ATG2B: variants seen among roughly 807,000 people sequenced by gnomAD.
The protein encoded by ATG2B is autophagy related 2B.
Under a neutral mutation model 241.3 loss-of-function variants are expected in ATG2B, and 121 were observed. That is an observed-to-expected ratio of 0.50 (90% CI 0.43 to 0.58). ATG2B has a LOEUF of 0.58. Ranked by LOEUF, ATG2B falls within the 20% of genes least tolerant of loss-of-function variation. ATG2B has a pLI of 0.00. For synonymous variants in ATG2B, 858 were observed against 876.6 expected (o/e 0.98, Z 0.37); for missense variants, 2,306 against 2,491.6 (o/e 0.93, Z 1.59).
chr14:96,280,708 T>A lies in ATG2B; in HGVS notation c.*5047A>T, dbSNP rs1410944264. 1.3e-5 allele frequency: 2 copies of A among 151,978 alleles called. No homozygotes were observed. Among genetic ancestry groups the A allele is most frequent in the Admixed American group, 6.6e-5 (1 of 15,242 alleles). The allele number at this position is 151,978 out of a possible 1,614,324, so 9.4% of individuals were successfully genotyped here. A position where few individuals can be genotyped will look rare whatever the true frequency, so the allele number is the denominator to read the frequency against. The stretch of plus-strand genomic sequence containing the variant: ...TTAACCTGGCCAACACGGTGAAACC[T>A]CGTCTCTACTAAAAAAACAAAAAAT... On this transcript the variant is annotated 3_prime_UTR_variant, in exon 42 of 42. Coordinates refer to ENST00000359933, the MANE Select transcript of ATG2B (RefSeq NM_018036.7).
intron 41 of ATG2B, among the ~76,000 whole-genome samples, chr14:96,288,807 G>GAAA (rs71103509): frequency 1.2e-4 from 15 of 126,010 alleles, no homozygotes; most frequent in Non-Finnish European, 9.9e-5. Flanking sequence ...ACAACACCCA[G>GAAA]AAAAAAAAAA....
intron 41 of ATG2B, among the ~76,000 whole-genome samples, chr14:96,287,298 TAATAAGTA>T (rs1472855715): frequency 1.1e-5 from 1 of 91,514 alleles, no homozygotes; most frequent in Non-Finnish European, 2.4e-5. Context: ...CTCAAAGAAA[TAATAAGTA>T]CTACTTTAAA....
chr14:96,327,157 G>C lies in ATG2B; in HGVS notation c.2163+1190C>G, dbSNP rs373109391. Among the ~76,000 whole-genome samples, 4 of 152,118 alleles carry C rather than the reference G, an allele frequency of 2.6e-5. No homozygotes were observed. The East Asian group carries it at 7.7e-4, about 29-fold the overall frequency. On this transcript the variant is annotated intron_variant, in intron 14 of 41. Transcript: ENST00000359933. ...GGGCTGAGGTAGAAGGATCGCTTAA[G>C]CCAAGGGGGTCAAGACTGAAGTGAG...
intron 31 of ATG2B, 88 bp from the exon 32 acceptor site, chr14:96,304,691 T>C (rs952797943): frequency 9.4e-7 from 1 of 1,061,970 alleles, no homozygotes; most frequent in Non-Finnish European, 1.4e-6. Flanking sequence ...AATGATAAGA[T>C]GAAAGACAAA....
At chr14:96,340,254 T>C (rs1887998306) in intron 6 of ATG2B, among the ~76,000 whole-genome samples, 1 of 144,776 alleles carries the variant, frequency 6.9e-6, no homozygotes, top group Non-Finnish European at 1.5e-5. Flanking sequence ...TATGGACTCA[T>C]CCTATATATG....
At chr14:96,338,960 G>A (rs758891223) in intron 6 of ATG2B, among the ~76,000 whole-genome samples, 4 of 152,044 alleles carry the variant, frequency 2.6e-5, no homozygotes, top group Non-Finnish European at 5.9e-5. Context: ...CCATCAGAAA[G>A]TGAGCAAGGG....
At chr14:96,302,583 A>C (rs1028106205) in intron 33 of ATG2B, among the ~76,000 whole-genome samples, 3 of 152,178 alleles carry the variant, frequency 2.0e-5, no homozygotes, top group Admixed American at 6.5e-5. Context: ...TGGGGGGAAA[A>C]AAAAAACTGC....
chr14:96,348,264 A>G (rs1484382341), intron 1 of ATG2B, among the ~76,000 whole-genome samples: 4 of 152,230 alleles, frequency 2.6e-5, no homozygotes, highest in Admixed American at 6.5e-5. Flanking sequence ...GTTCTCACTT[A>G]TCTATGGAAG....
chr14:96,307,196 G>A (rs1178170118), intron 29 of ATG2B, among the ~76,000 whole-genome samples: 3 of 152,098 alleles, frequency 2.0e-5, no homozygotes, highest in Non-Finnish European at 2.9e-5. Context: ...TGGATCACCT[G>A]AGGTCAGGAG....
chr14:96,342,863 C>A (rs1350195857), intron 5 of ATG2B, among the ~76,000 whole-genome samples: 1 of 151,972 alleles, frequency 6.6e-6, no homozygotes, highest in African/African-American at 2.4e-5. Flanking sequence ...AGATACTCAA[C>A]TTCTACACCA....
At chr14:96,356,479 T>A (rs1003160909) in intron 1 of ATG2B, among the ~76,000 whole-genome samples, 1 of 152,032 alleles carries the variant, frequency 6.6e-6, no homozygotes. Flanking sequence ...ATATCATAAT[T>A]TTTTTTAACG....
chr14:96,304,424 G>T, intron 32 of ATG2B, 71 bp downstream of exon 32: 1 of 1,140,758 alleles, frequency 8.8e-7, no homozygotes, highest in Non-Finnish European at 1.3e-6. Flanking sequence ...AGACTACGTG[G>T]TGGGGGATAA....
At position 96,363,008 on chromosome 14, in the gene ATG2B, T is replaced by G. The variant is rs1366250599; in HGVS notation, c.-32A>C. 5 of 1,611,158 alleles carry G rather than the reference T, an allele frequency of 3.1e-6. No individual in the cohort carries two copies. Among genetic ancestry groups the G allele is most frequent in the Non-Finnish European group, 4.2e-6 (5 of 1,179,162 alleles). On this transcript the variant is annotated 5_prime_UTR_variant, in exon 1 of 42. Transcript: ENST00000359933. ...TGCTGGCAGCTGGGCTGACTGCGGC[T>G]GCGGGTTGCGACGGCTCCGGCCTCG...
intron 1 of ATG2B, among the ~76,000 whole-genome samples, chr14:96,360,554 C>T (rs1888594775): frequency 6.6e-6 from 1 of 152,086 alleles, no homozygotes; most frequent in Admixed American, 6.5e-5. Context: ...GAACAAAGAG[C>T]TTGAAAAACT....
intron 38 of ATG2B, 147 bp downstream of exon 38, chr14:96,291,453 C>T: frequency 2.0e-6 from 1 of 503,288 alleles, no homozygotes; most frequent in Non-Finnish European, 3.6e-6. Context: ...AAATCAGTGC[C>T]TAAATCTTAA....
chr14:96,292,956 T>C (rs1679031156), intron 36 of ATG2B: 1 of 152,252 alleles, frequency 6.6e-6, no homozygotes, highest in Admixed American at 6.5e-5. Flanking sequence ...ATTAATACAA[T>C]GTAAATGCTG....
At position 96,289,351 on chromosome 14, in the gene ATG2B, TA is replaced by T; in HGVS notation, c.6006+304del. 4.2e-6 allele frequency: 1 copy of T among 238,936 alleles called. No individual in the cohort carries two copies. The highest frequency in any genetic ancestry group is 8.2e-6 in the Non-Finnish European group (1 of 122,398). 14.8% of individuals were successfully genotyped at this position (238,936 alleles called of 1,614,324 possible). A position where few individuals can be genotyped will look rare whatever the true frequency, so the allele number is the denominator to read the frequency against. ...AATCTGAGGTAAGCAGGGCAGAGTA[TA>T]AATGTGTTAAACCTAGACAGCGATC... On this transcript the variant is annotated intron_variant, in intron 41 of 41. Transcript: ENST00000359933. The surrounding 1 kb of genome is among the most constrained non-coding windows in gnomAD (Gnocchi z 4.3).
chr14:96,316,545 G>T lies in ATG2B; in HGVS notation c.3349C>A (p.Leu1117Met). ...GTGTTTGTCCTACCTTTATGGTACA[G>T]ACTGAAACTGCTAGAATGAAGGCAA... Reference protein sequence around the residue: ...YICLHSSSFSLYHKGIVNGVI... With the variant: ...YICLHSSSFSMYHKGIVNGVI... Residue 1117 changes from leucine to methionine, a missense_variant, in exon 21 of 42, where the codon CTG becomes ATG. Physicochemically the swap from Leu to Met is conservative, Grantham distance 15. This residue lies in a region of ATG2B where 1,927 missense variants were observed against 2,011.2 expected (regional missense o/e 0.96). Transcript: ENST00000359933. 6.2e-7 allele frequency: 1 copy of T among 1,613,504 alleles called. No homozygotes were observed. The highest frequency in any genetic ancestry group is 1.1e-5 in the South Asian group (1 of 90,966).
At chr14:96,301,876 C>G (rs573375206) in intron 34 of ATG2B, 131 bp downstream of exon 34, 1 of 665,964 alleles carries the variant, frequency 1.5e-6, no homozygotes, top group East Asian at 2.8e-5. Context: ...TTGCCCTATT[C>G]TTTATCAGAA....
Sources: allele counts gnomAD v4.1 joint callset (sites outside exome capture counted in the v4.1 genomes callset), GRCh38; gene constraint gnomAD v4.1.1; regional missense constraint gnomAD v4.1.1; non-coding constraint Gnocchi (gnomAD v3.1); transcripts MANE v1.5; gene names NCBI Gene and HGNC (gene_info 2026-07-23, HGNC 2026-07-21).